Variants in HTR2C observed in about 807,000 individuals in gnomAD.
HTR2C encodes the protein 5-hydroxytryptamine (serotonin) receptor 2C, G protein-coupled.
In HTR2C, 5 loss-of-function variants were observed where a neutral mutation model predicts 21.0. That is an observed-to-expected ratio of 0.24 (90% CI 0.12 to 0.50). The LOEUF (loss-of-function observed/expected upper bound fraction) is 0.50. Among genes scored for constraint, HTR2C ranks in the 20% least tolerant of loss-of-function variants. HTR2C has a pLI of 0.98. For synonymous variants in HTR2C, 150 were observed against 145.3 expected, an observed-to-expected ratio of 1.03 and a Z score of -0.23; for missense variants, 271 against 371.2, an observed-to-expected ratio of 0.73 and a Z score of 2.22.
intron 4 of HTR2C, among the ~76,000 whole-genome samples, chrX:114,786,205 T>A (rs781815816): frequency 8.9e-6 from 1 of 111,956 alleles, no homozygotes; most frequent in South Asian, 3.7e-4. Flanking sequence ...CCATAGGAAC[T>A]CTTATATACT....
intron 4 of HTR2C, among the ~76,000 whole-genome samples, chrX:114,808,332 T>C (rs1276643747): frequency 8.9e-6 from 1 of 111,821 alleles, no homozygotes; most frequent in Non-Finnish European, 1.9e-5. Flanking sequence ...TATACTCCAT[T>C]GTGTATGTGT....
intron 1 of HTR2C, among the ~76,000 whole-genome samples, chrX:114,606,342 G>A (rs936150489): frequency 1.3e-4 from 15 of 111,538 alleles, no homozygotes; most frequent in Non-Finnish European, 2.6e-4. Context: ...CCAGAAAAGC[G>A]GGACTTGCCG....
At chrX:114,599,504 T>C (rs1437710068) in intron 1 of HTR2C, among the ~76,000 whole-genome samples, 1 of 111,996 alleles carries the variant, frequency 8.9e-6, no homozygotes, top group Non-Finnish European at 1.9e-5. Flanking sequence ...ATACATTATG[T>C]CATTTTTATA....
At chrX:114,698,309 A>G (rs1932340023) in intron 2 of HTR2C, among the ~76,000 whole-genome samples, 1 of 111,561 alleles carries the variant, frequency 9.0e-6, no homozygotes, top group Non-Finnish European at 1.9e-5. Flanking sequence ...TTTACAGGTA[A>G]GAGAACTTGG....
chrX:114,638,990 G>T (rs1436139510), intron 2 of HTR2C, among the ~76,000 whole-genome samples: 1 of 110,968 alleles, frequency 9.0e-6, no homozygotes, highest in African/African-American at 3.3e-5. Context: ...ACATACATGT[G>T]CATGTGTCTT....
intron 5 of HTR2C, among the ~76,000 whole-genome samples, chrX:114,874,743 A>T (rs782736128): frequency 1.5e-3 from 169 of 111,406 alleles, no homozygotes; most frequent in African/African-American, 5.1e-3. Context: ...TCCTGACCTC[A>T]GGTGATTCGC....
chrX:114,872,978 T>A (rs2147511726), intron 5 of HTR2C, among the ~76,000 whole-genome samples: 1 of 111,962 alleles, frequency 8.9e-6, no homozygotes, highest in South Asian at 3.7e-4. Context: ...TTGGAAAAGT[T>A]GATTTTGGCA....
intron 4 of HTR2C, among the ~76,000 whole-genome samples, chrX:114,847,072 A>G (rs927716187): frequency 1.8e-5 from 2 of 111,587 alleles, no homozygotes; most frequent in Non-Finnish European, 3.8e-5. Context: ...GCCACAAAGA[A>G]GAATTAAGTA....
chrX:114,894,170 T>C (rs977208602), intron 5 of HTR2C, among the ~76,000 whole-genome samples: 3 of 111,343 alleles, frequency 2.7e-5, no homozygotes, highest in African/African-American at 9.9e-5. Flanking sequence ...TTTACCCAAA[T>C]GATACGAAAC....
At chrX:114,679,454 T>G (rs903311180) in intron 2 of HTR2C, among the ~76,000 whole-genome samples, 2 of 109,732 alleles carry the variant, frequency 1.8e-5, no homozygotes, top group Non-Finnish European at 3.8e-5. Context: ...AATTGTTGTA[T>G]TTTTAGTAGA....
Position 114,807,313 on chromosome X carries a change from A to G in HTR2C, c.350-40690A>G, listed in dbSNP as rs139216854. Among the ~76,000 whole-genome samples, 519 of 69,902 alleles carry G rather than the reference A, an allele frequency of 7.4e-3. 129 individuals are homozygous for G. The highest frequency in any genetic ancestry group is 0.029 in the African/African-American group (484 of 16,432). 60.7% of individuals were successfully genotyped at this position (69,902 alleles called of 115,157 possible). A position where few individuals can be genotyped will look rare whatever the true frequency, so the allele number is the denominator to read the frequency against. ...TATATATACCATGTATATACACCAT[A>G]TATCTATACCATATATATACACCAT... On this transcript the variant is annotated intron_variant, in intron 4 of 5. Coordinates refer to ENST00000276198, the MANE Select transcript of HTR2C (RefSeq NM_000868.4).
chrX:114,861,912 T>A (rs2071009758), intron 5 of HTR2C, among the ~76,000 whole-genome samples: 1 of 111,909 alleles, frequency 8.9e-6, no homozygotes, highest in Admixed American at 9.5e-5. Flanking sequence ...TTGCAAATAT[T>A]TTTTTCTCAA....
intron 3 of HTR2C, among the ~76,000 whole-genome samples, chrX:114,728,091 A>G (rs1372528755): frequency 8.9e-6 from 1 of 112,356 alleles, no homozygotes; most frequent in Non-Finnish European, 1.9e-5. Context: ...AATTCTATTG[A>G]GAGAAACAAG....
At chrX:114,691,775 T>G in intron 2 of HTR2C, among the ~76,000 whole-genome samples, 1 of 111,688 alleles carries the variant, frequency 9.0e-6, no homozygotes, top group Middle Eastern at 4.6e-3. Flanking sequence ...TTTATACAAA[T>G]GAATAGATTT....
chrX:114,588,775 T>C (rs782650597), intron 1 of HTR2C, among the ~76,000 whole-genome samples: 8 of 112,212 alleles, frequency 7.1e-5, no homozygotes, highest in Non-Finnish European at 1.1e-4. Context: ...TATAGCTTCC[T>C]GTAATCAAAG....
intron 4 of HTR2C, among the ~76,000 whole-genome samples, chrX:114,752,815 G>T (rs1358423238): frequency 9.1e-6 from 1 of 109,940 alleles, no homozygotes; most frequent in Admixed American, 9.8e-5. Context: ...TCAATTTTCG[G>T]AACCCAAGAA....
intron 2 of HTR2C, among the ~76,000 whole-genome samples, chrX:114,662,161 C>A (rs1931013206): frequency 9.0e-6 from 1 of 111,417 alleles, no homozygotes. Flanking sequence ...TTTAAATAAC[C>A]AATCGCTTAA....
At chrX:114,614,536 A>G (rs1355345527) in intron 2 of HTR2C, among the ~76,000 whole-genome samples, 1 of 111,160 alleles carries the variant, frequency 9.0e-6, no homozygotes, top group Non-Finnish European at 1.9e-5. Context: ...CTGGGATTAC[A>G]GGCGTGAACC....
intron 4 of HTR2C, among the ~76,000 whole-genome samples, chrX:114,833,997 G>A (rs1358055763): frequency 1.8e-5 from 2 of 110,268 alleles, no homozygotes; most frequent in African/African-American, 6.6e-5. Context: ...CAGTTTCCAT[G>A]TAGTTGAGCG....
Sources: gnomAD v4.1 joint callset for allele counts (sites outside exome capture counted in the v4.1 genomes callset) on GRCh38, gnomAD v4.1.1 for gene constraint, MANE v1.5 for transcripts, NCBI Gene and HGNC (gene_info 2026-07-23, HGNC 2026-07-21) for gene names.